Variants in MAPK6 observed in about 807,000 individuals in gnomAD.
The protein encoded by MAPK6 is ERK-3.
In MAPK6, 19 loss-of-function variants were observed where a neutral mutation model predicts 59.3. The observed-to-expected ratio is 0.32, with a 90% CI of 0.22 to 0.47. The LOEUF (loss-of-function observed/expected upper bound fraction) is 0.47, where lower values mean the gene tolerates loss of function less well. MAPK6 is among the 20% of genes least tolerant of loss of function. The probability of loss-of-function intolerance (pLI) is 1.00; values close to 1 mark genes in which losing one functional copy is unlikely to be tolerated. For synonymous variants in MAPK6, 316 were observed against 290.3 expected, an observed-to-expected ratio of 1.09 and a Z score of -0.90; for missense variants, 724 against 847.9, an observed-to-expected ratio of 0.85 and a Z score of 1.81.
At chr15:52,023,218 C>G (rs1306245050) in intron 1 of MAPK6, among the ~76,000 whole-genome samples, 5 of 151,820 alleles carry the variant, frequency 3.3e-5, no homozygotes, top group Non-Finnish European at 1.5e-5. Flanking sequence ...CTTACCACTG[C>G]TATCCAGTTC....
intron 3 of MAPK6, among the ~76,000 whole-genome samples, chr15:52,012,844 G>A (rs1431043628): frequency 4.6e-5 from 7 of 150,960 alleles, no homozygotes; most frequent in East Asian, 3.9e-4. Flanking sequence ...AAAATTAGCC[G>A]GGCGTGGTGG....
Position 52,064,877 on chromosome 15 carries a change from G to C in MAPK6, c.2043G>C (p.Gln681His), listed in dbSNP as rs140553940. 6.2e-7 allele frequency: 1 copy of C among 1,611,852 alleles called. No homozygotes were observed. Among genetic ancestry groups the C allele is most frequent in the Admixed American group, 1.7e-5 (1 of 59,988 alleles). ...AGCTCGAGTCCATAGGCATCCCACAGTTTCACAGTCCAGTTGGGTCACCAC... is the reference window on the plus strand; with the variant it reads ...AGCTCGAGTCCATAGGCATCCCACACTTTCACAGTCCAGTTGGGTCACCAC... ...NKQLESIGIP[Q>H]FHSPVGSPLK... The change falls in exon 6 of 6, where the codon CAG becomes CAC. Residue 681 changes from glutamine to histidine, a missense_variant. Around this residue, in one of 4 missense-constraint regions of MAPK6, gnomAD observed 502 missense variants for 507.6 expected, o/e 0.99. Coordinates refer to ENST00000261845, the MANE Select transcript of MAPK6 (RefSeq NM_002748.4).
intron 1 of MAPK6, among the ~76,000 whole-genome samples, chr15:52,023,444 A>G (rs557451296): frequency 6.6e-6 from 1 of 152,186 alleles, no homozygotes; most frequent in African/African-American, 2.4e-5. Context: ...CACAAAAACA[A>G]CTCCAATGTT....
chr15:51,994,657 C>G (rs1038462487), intron 2 of MAPK6, among the ~76,000 whole-genome samples: 1 of 152,154 alleles, frequency 6.6e-6, no homozygotes, highest in Non-Finnish European at 1.5e-5. Context: ...AGTAACTTTA[C>G]AGTGGAAAAG....
chr15:52,055,847 A>G (rs1415882386), intron 3 of MAPK6, among the ~76,000 whole-genome samples: 1 of 152,232 alleles, frequency 6.6e-6, no homozygotes, highest in Non-Finnish European at 1.5e-5. Flanking sequence ...TTGTTTTTAA[A>G]TGTTCAATGC....
At chr15:51,973,276 A>G (rs766484423) in intron 1 of MAPK6, among the ~76,000 whole-genome samples, 1 of 151,962 alleles carries the variant, frequency 6.6e-6, no homozygotes, top group Non-Finnish European at 1.5e-5. Context: ...TACTGGAAAA[A>G]CAAGTATTCC....
chr15:51,974,779 A>G (rs2057152813), intron 1 of MAPK6, among the ~76,000 whole-genome samples: 1 of 149,526 alleles, frequency 6.7e-6, no homozygotes, highest in South Asian at 2.1e-4. Context: ...GTGCCGTGGC[A>G]TGACCTTGGC....
Position 52,064,201 on chromosome 15 carries a change from A to C in MAPK6, c.1367A>C (p.Asn456Thr). 1 of 1,612,044 alleles carries C rather than the reference A, an allele frequency of 6.2e-7. No homozygotes were observed. Among genetic ancestry groups the C allele is most frequent in the Non-Finnish European group, 8.5e-7 (1 of 1,179,590 alleles). Residue 456 changes from asparagine (N) to threonine (T), a missense_variant, in exon 6 of 6, where the codon AAC becomes ACC. Transcript: ENST00000261845. ...YKTRSSSYLD[N>T]LVWRESEVNH... ...ACGAGGTCATCATCATATTTAGATA[A>C]CTTAGTTTGGAGAGAGAGTGAAGTT...
intron 1 of MAPK6, among the ~76,000 whole-genome samples, chr15:51,979,196 GAAA>G (rs2057165812): frequency 7.1e-6 from 1 of 141,720 alleles, no homozygotes; most frequent in African/African-American, 2.6e-5. Context: ...AGGGAAAAGA[GAAA>G]GAAGGAAAGA....
rs768348426 is a variant in MAPK6 at position 52,046,478 on chromosome 15, A to G, written c.18A>G (p.Glu6=). The G allele has an allele frequency of 3.1e-6, 5 of 1,598,228 alleles. No homozygotes were observed. The South Asian group carries it at 5.7e-5, about 18-fold the overall frequency. Residue 6 remains glutamate, a synonymous_variant, in exon 2 of 6, where the codon GAA becomes GAG. Coordinates refer to ENST00000261845, the MANE Select transcript of MAPK6 (RefSeq NM_002748.4). ...GTTTCAAAATGGCAGAGAAATTTGAAAGTCTCATGAACATTCATGGTTTTG... is the reference window on the plus strand; with the variant it reads ...GTTTCAAAATGGCAGAGAAATTTGAGAGTCTCATGAACATTCATGGTTTTG... MAEKF[E]SLMNIHGFDL...
chr15:51,974,961 A>G (rs989732261), intron 1 of MAPK6, among the ~76,000 whole-genome samples: 3 of 151,322 alleles, frequency 2.0e-5, no homozygotes, highest in African/African-American at 7.2e-5. Flanking sequence ...CAGGTGATCC[A>G]TCCACCTCAA....
intron 2 of MAPK6, among the ~76,000 whole-genome samples, chr15:51,988,800 A>G (rs901667720): frequency 6.6e-6 from 1 of 151,898 alleles, no homozygotes; most frequent in Non-Finnish European, 1.5e-5. Context: ...AGTTCTAGAG[A>G]CCAGAAGTTA....
chr15:52,020,045 C>CG (rs1595974653), intron 1 of MAPK6: 1 of 152,362 alleles, frequency 6.6e-6, no homozygotes, highest in East Asian at 1.9e-4. Context: ...ACTGAAAACT[C>CG]GGAGACGAAA....
upstream of MAPK6, among the ~76,000 whole-genome samples, chr15:52,016,068 G>GA (rs2030245087): frequency 2.8e-5 from 1 of 35,610 alleles, no homozygotes; most frequent in Non-Finnish European, 6.3e-5. Flanking sequence ...GCGCGCGCGC[G>GA]CGCACACACA....
rs1168290975 is a variant in MAPK6 at position 52,064,952 on chromosome 15, T to C, written c.2118T>C (p.Pro706=). The change falls in exon 6 of 6, where the codon CCT becomes CCC. Residue 706 remains proline, a synonymous_variant. Transcript: ENST00000261845. ...TLTPSAMKSS[P]QIPHQTYSSI... ...CACCTTCTGCTATGAAATCTTCCCC[T>C]CAAATTCCTCATCAAACATACAGCA... 6.2e-7 allele frequency: 1 copy of C among 1,611,604 alleles called. No individual in the cohort carries two copies. The highest frequency in any genetic ancestry group is 8.5e-7 in the Non-Finnish European group (1 of 1,179,552).
At chr15:52,025,314 T>C (rs1263167040) in intron 1 of MAPK6, among the ~76,000 whole-genome samples, 1 of 152,192 alleles carries the variant, frequency 6.6e-6, no homozygotes, top group South Asian at 2.1e-4. Context: ...TCTGAGTTGC[T>C]CTTTCCACTG....
intron 2 of MAPK6, among the ~76,000 whole-genome samples, chr15:51,991,155 ACAC>A (rs2057207292): frequency 7.5e-6 from 1 of 132,554 alleles, no homozygotes; most frequent in African/African-American, 3.5e-5. Flanking sequence ...ATATACACAC[ACAC>A]ACACACACAC....
chr15:52,044,407 G>C (rs1334972958), intron 1 of MAPK6, among the ~76,000 whole-genome samples: 1 of 152,122 alleles, frequency 6.6e-6, no homozygotes, highest in Non-Finnish European at 1.5e-5. Context: ...CGTTTACTGA[G>C]GGCCAGAATC....
chr15:52,037,245 A>G (rs1460607219), intron 1 of MAPK6, among the ~76,000 whole-genome samples: 1 of 152,230 alleles, frequency 6.6e-6, no homozygotes, highest in African/African-American at 2.4e-5. Flanking sequence ...TGTCTCTTAA[A>G]GAGAATCTCC....
Sources: allele counts gnomAD v4.1 joint callset (sites outside exome capture counted in the v4.1 genomes callset), GRCh38; gene constraint gnomAD v4.1.1; regional missense constraint gnomAD v4.1.1; transcripts MANE v1.5; gene names NCBI Gene and HGNC (gene_info 2026-07-23, HGNC 2026-07-21).